Variants in FLI1 observed in about 807,000 individuals in gnomAD.
FLI1 encodes the protein Fli-1 proto-oncogene, ETS transcription factor, also known as Friend leukemia integration 1 transcription factor.
In FLI1, 13 loss-of-function variants were observed where a neutral mutation model predicts 53.1. The observed-to-expected ratio is 0.24, with a 90% confidence interval of 0.16 to 0.39. The LOEUF (loss-of-function observed/expected upper bound fraction) is 0.39. Ranked by LOEUF, FLI1 falls within the 10% of genes least tolerant of loss-of-function variation. The probability of loss-of-function intolerance (pLI) is 1.00; values close to 1 mark genes in which losing one functional copy is unlikely to be tolerated. For missense variants in FLI1, 424 were observed against 600.5 expected (o/e 0.71, Z 3.07); for synonymous variants, 244 against 236.7 (o/e 1.03, Z -0.28).
chr11:128,720,120 C>T (rs1417241403), intron 1 of FLI1, among the ~76,000 whole-genome samples: 1 of 152,152 alleles, frequency 6.6e-6, no homozygotes, highest in African/African-American at 2.4e-5. Flanking sequence ...CTTTATAATG[C>T]AAATATATAG....
intron 1 of FLI1, among the ~76,000 whole-genome samples, chr11:128,739,602 G>C (rs1468923784): frequency 6.6e-6 from 1 of 152,196 alleles, no homozygotes; most frequent in Non-Finnish European, 1.5e-5. Flanking sequence ...GGGAGGGAGG[G>C]AGGCAGTGGT....
In FLI1 at chr11:128,810,762, T is replaced by C. The variant is rs1284906569; in HGVS notation, c.1133T>C (p.Met378Thr). The change falls in exon 9 of 9, where the codon ATG becomes ACG. Residue 378 changes from methionine (M) to threonine (T), a missense_variant. Physicochemically the swap from Met to Thr is moderately conservative, Grantham distance 81. Transcript: ENST00000527786. The surrounding 1 kb of genome is among the most constrained non-coding windows in gnomAD (Gnocchi z 6.6). ...CAGCCACATCCGACCGAGTCGTCCATGTACAAGTACCCTTCTGACATCTCC... is the reference window on the plus strand; with the variant it reads ...CAGCCACATCCGACCGAGTCGTCCACGTACAAGTACCCTTCTGACATCTCC... ...ALQPHPTESS[M>T]YKYPSDISYM... is the part of the protein sequence containing the mutation. The C allele has an allele frequency of 1.2e-6, 2 of 1,614,104 alleles. No homozygotes were observed. The highest frequency in any genetic ancestry group is 4.5e-5 in the East Asian group (2 of 44,890).
chr11:128,704,045 A>G (rs1591735776), intron 1 of FLI1, among the ~76,000 whole-genome samples: 1 of 152,264 alleles, frequency 6.6e-6, no homozygotes, highest in East Asian at 1.9e-4. Context: ...CAAACTAGCT[A>G]TGGGATGTTA....
intron 2 of FLI1, chr11:128,764,592 T>C (rs1343411290): frequency 7.5e-6 from 11 of 1,471,496 alleles, no homozygotes; most frequent in Non-Finnish European, 1.0e-5. Flanking sequence ...GCAAGCTGAA[T>C]GGCAAAACCT....
At chr11:128,795,292 C>T (rs1000364127) in intron 5 of FLI1, among the ~76,000 whole-genome samples, 1 of 152,214 alleles carries the variant, frequency 6.6e-6, no homozygotes, top group Non-Finnish European at 1.5e-5. Context: ...CGGAGCCTCA[C>T]CTCATTCACA....
intron 1 of FLI1, among the ~76,000 whole-genome samples, chr11:128,704,069 A>C (rs1197895199): frequency 6.6e-6 from 1 of 152,256 alleles, no homozygotes; most frequent in East Asian, 1.9e-4. Context: ...AAGTCACTTC[A>C]CTTCCTCATC....
At chr11:128,691,838 T>C (rs1457468229), upstream of FLI1, 1 of 151,494 alleles carries the variant, frequency 6.6e-6, no homozygotes, top group Non-Finnish European at 1.5e-5. Context: ...CCAACAGGAG[T>C]TGGAAAGAGA....
chr11:128,809,279 C>A, intron 8 of FLI1, 75 bp downstream of exon 8: 1 of 1,301,322 alleles, frequency 7.7e-7, no homozygotes. Flanking sequence ...AGACTTCTGT[C>A]CTAAGTCCAG....
chr11:128,719,419 T>A (rs1939162924), intron 1 of FLI1, among the ~76,000 whole-genome samples: 1 of 151,072 alleles, frequency 6.6e-6, no homozygotes, highest in Admixed American at 6.6e-5. Flanking sequence ...ATTTATTTAC[T>A]TATAGCTTGA....
intron 1 of FLI1, among the ~76,000 whole-genome samples, chr11:128,722,843 G>T (rs958085152): frequency 2.0e-5 from 3 of 152,148 alleles, no homozygotes; most frequent in African/African-American, 2.4e-5. Context: ...ACCGCGGGGT[G>T]GGGGAGAATC....
At chr11:128,693,988 GA>G (rs1937895065), upstream of FLI1, 2 of 281,790 alleles carry the variant, frequency 7.1e-6, no homozygotes, top group African/African-American at 5.5e-5. Context: ...GAGAGAGAGA[GA>G]GAGATAGGAC....
chr11:128,740,961 T>C (rs1940110035), intron 1 of FLI1, among the ~76,000 whole-genome samples: 1 of 152,272 alleles, frequency 6.6e-6, no homozygotes, highest in East Asian at 1.9e-4. Flanking sequence ...GCCAACGTTG[T>C]TGTTAACCCA....
At chr11:128,786,787 C>T (rs1942099097) in intron 5 of FLI1, among the ~76,000 whole-genome samples, 1 of 152,208 alleles carries the variant, frequency 6.6e-6, no homozygotes, top group Non-Finnish European at 1.5e-5. Context: ...CCCTCATTTC[C>T]TTAGTTCCTC....
Position 128,810,712 on chromosome 11 carries a change from C to T in FLI1, c.1083C>T (p.Asp361=). ...VHGKRYAYKF[D]FHGIAQALQP... is the part of the protein sequence containing the mutation. ...GCAAAAGATATGCTTACAAATTTGA[C>T]TTCCACGGCATTGCCCAGGCTCTGC... Residue 361 remains aspartate (D), a synonymous_variant, in exon 9 of 9, where the codon GAC becomes GAT. Coordinates refer to ENST00000527786, the MANE Select transcript of FLI1 (RefSeq NM_002017.5). The surrounding 1 kb of genome is among the most constrained non-coding windows in gnomAD (Gnocchi z 6.6). 6.2e-7 allele frequency: 1 copy of T among 1,614,084 alleles called. No individual in the cohort carries two copies. Among genetic ancestry groups the T allele is most frequent in the Admixed American group, 1.7e-5 (1 of 60,034 alleles).
At chr11:128,786,266 G>C (rs1222713619) in intron 5 of FLI1, among the ~76,000 whole-genome samples, 1 of 152,208 alleles carries the variant, frequency 6.6e-6, no homozygotes, top group East Asian at 1.9e-4. Flanking sequence ...CTGGGCGGTT[G>C]TCTGGACCCA....
intron 5 of FLI1, among the ~76,000 whole-genome samples, chr11:128,787,968 A>T (rs746319164): frequency 1.3e-5 from 2 of 151,518 alleles, no homozygotes; most frequent in African/African-American, 2.4e-5. Context: ...CACCACGCCC[A>T]GCTAATTTTT....
At chr11:128,707,681 T>C (rs1938608046) in intron 1 of FLI1, among the ~76,000 whole-genome samples, 1 of 152,218 alleles carries the variant, frequency 6.6e-6, no homozygotes, top group Non-Finnish European at 1.5e-5. Context: ...CCCTGAGTTT[T>C]GTAGACAAGC....
Position 128,758,299 on chromosome 11 carries a change from G to C in FLI1, c.203G>C (p.Arg68Pro). 2 of 1,613,374 alleles carry C rather than the reference G, an allele frequency of 1.2e-6. No homozygotes were observed. The highest frequency in any genetic ancestry group is 1.7e-6 in the Non-Finnish European group (2 of 1,179,618). Residue 68 changes from arginine (R) to proline (P), a missense_variant, in exon 2 of 9, where the codon CGG (arginine) becomes CCG (proline). By Grantham distance (103) the Arg-to-Pro change is moderately radical. This residue lies in a region of FLI1 where 137 missense variants were observed against 169.1 expected (regional missense o/e 0.81). Coordinates refer to ENST00000527786, the MANE Select transcript of FLI1 (RefSeq NM_002017.5). ...INQPVRVNVK[R>P]EYDHMNGSRE... Reference sequence around the variant, plus strand: ...CAGCCAGTGAGGGTCAACGTCAAGCGGGAGTATGACCACATGAATGGATCC... The same window carrying C: ...CAGCCAGTGAGGGTCAACGTCAAGCCGGAGTATGACCACATGAATGGATCC...
chr11:128,735,369 G>A (rs1321194524), intron 1 of FLI1, among the ~76,000 whole-genome samples: 4 of 152,184 alleles, frequency 2.6e-5, no homozygotes, highest in Admixed American at 2.0e-4. Flanking sequence ...TATATTTAAA[G>A]TCCTGTATAA....
Sources: allele counts gnomAD v4.1 joint callset (sites outside exome capture counted in the v4.1 genomes callset), GRCh38; gene constraint gnomAD v4.1.1; regional missense constraint gnomAD v4.1.1; non-coding constraint Gnocchi (gnomAD v3.1); transcripts MANE v1.5; gene names NCBI Gene and HGNC (gene_info 2026-07-23, HGNC 2026-07-21).